The following FAM228B variants were observed in gnomAD, a reference collection of about 807,000 sequenced individuals.
The protein encoded by FAM228B is protein FAM228B.
A neutral mutation model predicts 42.6 loss-of-function variants in FAM228B; 38 were observed. The observed-to-expected ratio is 0.89, with a 90% CI of 0.69 to 1.17. FAM228B has a LOEUF of 1.17. FAM228B is among the 50% of genes most tolerant of loss of function. The pLI, the probability that FAM228B is intolerant of heterozygous loss-of-function variation, is 0.00. For synonymous variants in FAM228B, 109 were observed against 122.3 expected (o/e 0.89, Z 0.72); for missense variants, 344 against 367.3 (o/e 0.94, Z 0.52).
At position 24,084,354 on chromosome 2, in the gene FAM228B, G is replaced by GGCAGGACAGGACAGGGCAGGGCAGT; in HGVS notation, c.-210+3423_-210+3424insTGCAGGACAGGACAGGGCAGGGCAG. On this transcript the variant is annotated intron_variant, in intron 2 of 10. Transcript: ENST00000613899. This position sits in a 1 kb window ranked among gnomAD's most constrained non-coding sequence, Gnocchi z 8.4. The stretch of plus-strand genomic sequence containing the variant: ...TGTCTGAGGACACAGGGCAGGGCAG[G>GGCAGGACAGGACAGGGCAGGGCAGT]GCAGGACAGGACAGGGCAGGGCAGG... 1.0e-5 allele frequency: 14 copies of GGCAGGACAGGACAGGGCAGGGCAGT among 1,389,102 alleles called. No homozygotes were observed. The Admixed American group carries it at 1.3e-4, about 13-fold the overall frequency. The allele number at this position is 1,389,102 out of a possible 1,614,324, so 86.0% of individuals were successfully genotyped here. A position where few individuals can be genotyped will look rare whatever the true frequency, so the allele number is the denominator to read the frequency against.
chr2:24,166,984 C>G (rs1432525662), intron 9 of FAM228B, among the ~76,000 whole-genome samples: 2 of 151,876 alleles, frequency 1.3e-5, no homozygotes, highest in Non-Finnish European at 1.5e-5. Flanking sequence ...GGAGCAGAGG[C>G]AGGAGCCAGG....
Position 24,082,920 on chromosome 2 carries a change from G to T in FAM228B, c.-210+1965G>T, listed in dbSNP as rs758987343. ...TAACAGCTGGAAGGCGGTGAGCCAG[G>T]CCTCTGGGATGGCTGCAGCCTGGGT... On this transcript the variant is annotated intron_variant, in intron 2 of 10. Transcript: ENST00000613899. The T allele has an allele frequency of 2.7e-5, 43 of 1,612,330 alleles. No individual in the cohort carries two copies. In the South Asian group the frequency reaches 3.7e-4, roughly 14 times the overall value.
Position 24,146,825 on chromosome 2 carries a change from G to T in FAM228B, c.519G>T (p.Gln173His). Residue 173 changes from glutamine (Q) to histidine (H), a missense_variant, in exon 6 of 11, where the codon CAG becomes CAT. Coordinates refer to ENST00000615575, the MANE Select transcript of FAM228B (RefSeq NM_001145710.2). ...ATAACGAAAAAAGAACTCTTCTTCA[G>T]TGTGAGACTGGTACTTAGTTCCTAA... Reference protein sequence around the residue: ...DKDNEKRTLLQCETGKIYSIK... With the variant: ...DKDNEKRTLLHCETGKIYSIK... The T allele has an allele frequency of 6.5e-7, 1 of 1,547,056 alleles. No homozygotes were observed. Among genetic ancestry groups the T allele is most frequent in the African/African-American group, 1.4e-5 (1 of 73,090 alleles).
intron 7 of FAM228B, among the ~76,000 whole-genome samples, chr2:24,159,647 A>C (rs989216770): frequency 6.6e-6 from 1 of 152,362 alleles, no homozygotes; most frequent in East Asian, 1.9e-4. Flanking sequence ...GGAGACAGCT[A>C]CAAAGAGGAA....
chr2:24,159,251 G>A lies in FAM228B; in HGVS notation c.687-2255G>A, dbSNP rs187155755. Reference sequence around the variant, plus strand: ...TTTGAAGATATTTTTTTGGGTGCACGTAATTCATCCTATAACATTACATTA... The same window carrying A: ...TTTGAAGATATTTTTTTGGGTGCACATAATTCATCCTATAACATTACATTA... On this transcript the variant is annotated intron_variant, in intron 7 of 10. Coordinates refer to ENST00000615575, the MANE Select transcript of FAM228B (RefSeq NM_001145710.2). Among the ~76,000 whole-genome samples, 27 of 152,278 alleles carry A rather than the reference G, an allele frequency of 1.8e-4. No homozygotes were observed. In the South Asian group the frequency reaches 4.6e-3, roughly 26 times the overall value.
intron 7 of FAM228B, among the ~76,000 whole-genome samples, chr2:24,148,355 T>C (rs1200216723): frequency 6.6e-6 from 1 of 152,174 alleles, no homozygotes; most frequent in Non-Finnish European, 1.5e-5. Context: ...CAGAGGAATA[T>C]CCCATGTTTT....
At chr2:24,111,367 A>AT (rs113834696) in intron 3 of FAM228B, among the ~76,000 whole-genome samples, 1 of 151,726 alleles carries the variant, frequency 6.6e-6, no homozygotes, top group Non-Finnish European at 1.5e-5. Context: ...CCCCACTTCC[A>AT]TTTTTTTTGT....
At chr2:24,152,144 C>T (rs949461833) in intron 7 of FAM228B, among the ~76,000 whole-genome samples, 1 of 152,232 alleles carries the variant, frequency 6.6e-6, no homozygotes, top group Non-Finnish European at 1.5e-5. Flanking sequence ...GCTGGGATTA[C>T]AGGCATGAGC....
intron 3 of FAM228B, among the ~76,000 whole-genome samples, chr2:24,111,825 T>C (rs769636489): frequency 1.3e-5 from 2 of 151,910 alleles, no homozygotes; most frequent in Non-Finnish European, 2.9e-5. Flanking sequence ...AGGGGGCTGA[T>C]AAATTAGAGC....
intron 2 of FAM228B, among the ~76,000 whole-genome samples, chr2:24,129,474 G>C (rs539493521): frequency 6.6e-6 from 1 of 151,494 alleles, no homozygotes; most frequent in Non-Finnish European, 1.5e-5. Context: ...TTGCTGAATC[G>C]TTTGATATTG....
intron 2 of FAM228B, chr2:24,083,227 A>G: frequency 6.8e-7 from 1 of 1,479,980 alleles, no homozygotes; most frequent in Non-Finnish European, 9.0e-7. Context: ...CCCCCCTTCC[A>G]AGATCCCCTC....
upstream of FAM228B, among the ~76,000 whole-genome samples, chr2:24,121,601 C>T (rs1666120913): frequency 6.6e-6 from 1 of 152,098 alleles, no homozygotes; most frequent in Non-Finnish European, 1.5e-5. Context: ...GACTCTACGG[C>T]CCTGTGCTAT....
intron 3 of FAM228B, among the ~76,000 whole-genome samples, chr2:24,118,154 T>C (rs1188485434): frequency 6.6e-6 from 1 of 152,236 alleles, no homozygotes; most frequent in Non-Finnish European, 1.5e-5. Context: ...GACAGCCAAA[T>C]TGCCCATCTT....
At chr2:24,096,489 C>T (rs542713517) in intron 3 of FAM228B, 26 of 152,248 alleles carry the variant, frequency 1.7e-4, no homozygotes, top group African/African-American at 6.3e-4. Context: ...GACACATGCA[C>T]AACCTTCAAT....
rs1210712402 is a variant in FAM228B, at chr2:24,080,264, A to C, written c.-289-612A>C. Among the ~76,000 whole-genome samples the C allele has an allele frequency of 6.6e-6, 1 of 152,030 alleles. No homozygotes were observed. The highest frequency in any genetic ancestry group is 1.9e-4 in the East Asian group (1 of 5,194). On this transcript the variant is annotated intron_variant, in intron 1 of 10. Transcript: ENST00000613899. The surrounding 1 kb of genome is among the most constrained non-coding windows in gnomAD (Gnocchi z 4.7). ...CAGCTACTCAGGAGGCTAAGGCTGGAGAATCACTTGAACCTGGGAGGCGGA... is the reference window on the plus strand; with the variant it reads ...CAGCTACTCAGGAGGCTAAGGCTGGCGAATCACTTGAACCTGGGAGGCGGA...
At chr2:24,116,047 G>A (rs191722491) in intron 3 of FAM228B, among the ~76,000 whole-genome samples, 2 of 152,108 alleles carry the variant, frequency 1.3e-5, no homozygotes, top group South Asian at 2.1e-4. Context: ...AACTGATTAC[G>A]GCCAAGTGTG....
chr2:24,162,218 G>A (rs1667302712), intron 8 of FAM228B, among the ~76,000 whole-genome samples: 1 of 152,198 alleles, frequency 6.6e-6, no homozygotes, highest in Admixed American at 6.5e-5. Context: ...AAAAGGTTAG[G>A]AGATTTAAAA....
chr2:24,136,101 A>ACCCAGGCT (rs1171293244), intron 3 of FAM228B, among the ~76,000 whole-genome samples: 1 of 112,212 alleles, frequency 8.9e-6, no homozygotes, highest in African/African-American at 3.5e-5. Context: ...TCACTCTGTC[A>ACCCAGGCT]CCCAGGCTAG....
chr2:24,094,041 T>C, intron 2 of FAM228B, among the ~76,000 whole-genome samples: 1 of 112,646 alleles, frequency 8.9e-6, no homozygotes, highest in Non-Finnish European at 2.1e-5. Flanking sequence ...TTTTTTTTTT[T>C]TTTTTTTTTT....
Sources: gnomAD v4.1 joint callset for allele counts (sites outside exome capture counted in the v4.1 genomes callset) on GRCh38, gnomAD v4.1.1 for gene constraint, Gnocchi (gnomAD v3.1) non-coding constraint, MANE v1.5 for transcripts, NCBI Gene and HGNC (gene_info 2026-07-23, HGNC 2026-07-21) for gene names.